The following LINGO2 variants were observed in gnomAD, a reference collection of about 807,000 sequenced individuals.
The protein encoded by LINGO2 is leucine rich repeat and Ig domain containing 2.
Under a neutral mutation model 30.6 loss-of-function variants are expected in LINGO2, and 14 were observed. The observed-to-expected ratio is 0.46, with a 90% CI of 0.30 to 0.72. The LOEUF is 0.72. Ranked by LOEUF, LINGO2 falls within the 30% of genes least tolerant of loss-of-function variation. LINGO2 has a pLI of 0.07. For synonymous variants in LINGO2, 317 were observed against 288.5 expected, an observed-to-expected ratio of 1.10 and a Z score of -1.00; for missense variants, 729 against 751.7, an observed-to-expected ratio of 0.97 and a Z score of 0.35.
intron 4 of LINGO2, among the ~76,000 whole-genome samples, chr9:28,055,387 C>G (rs1318754484): frequency 2.0e-5 from 3 of 152,120 alleles, no homozygotes; most frequent in Non-Finnish European, 2.9e-5. Context: ...GCCAAGGAGT[C>G]TGAATGGCCA....
At chr9:28,509,095 T>A (rs1355603390) in intron 1 of LINGO2, among the ~76,000 whole-genome samples, 1 of 152,174 alleles carries the variant, frequency 6.6e-6, no homozygotes, top group African/African-American at 2.4e-5. Context: ...ATGGTCTAAA[T>A]CAGCCTCACT....
Position 28,044,109 on chromosome 9 carries a change from G to A in LINGO2, c.-86-31704C>T, listed in dbSNP as rs369976067. Reference sequence around the variant, plus strand: ...AATGTCTACGTATGGAGGAATGCTTGAATCAACTACACTATGTGTGTTTGC... The same window carrying A: ...AATGTCTACGTATGGAGGAATGCTTAAATCAACTACACTATGTGTGTTTGC... On this transcript the variant is annotated intron_variant, in intron 4 of 5. Transcript: ENST00000379992. Among the ~76,000 whole-genome samples, 25 of 152,278 alleles carry A rather than the reference G, an allele frequency of 1.6e-4. 1 individual carries two copies. In the East Asian group the frequency reaches 3.1e-3, roughly 19 times the overall value.
intron 4 of LINGO2, among the ~76,000 whole-genome samples, chr9:28,057,611 GTATATACATATATATA>G (rs1824996384): frequency 1.9e-5 from 1 of 52,836 alleles, no homozygotes; most frequent in Non-Finnish European, 4.3e-5. Context: ...ACACATATAT[GTATATACATATATATA>G]CACACATATA....
the LINGO2 span, among the ~76,000 whole-genome samples, chr9:28,995,598 T>C: frequency 2.0e-5 from 3 of 152,044 alleles, no homozygotes; most frequent in African/African-American, 7.2e-5. Flanking sequence ...CTATTCACAA[T>C]AGCAAAGACT....
chr9:28,002,198 A>G (rs1302810456), intron 5 of LINGO2, among the ~76,000 whole-genome samples: 1 of 152,140 alleles, frequency 6.6e-6, no homozygotes, highest in Non-Finnish European at 1.5e-5. Context: ...ATACACTAAT[A>G]TTTTATTGTC....
At chr9:28,886,170 C>A in the LINGO2 span, among the ~76,000 whole-genome samples, 3 of 151,900 alleles carry the variant, frequency 2.0e-5, no homozygotes, top group Non-Finnish European at 4.4e-5. Flanking sequence ...TACTGACATG[C>A]CTTTACTCAA....
At chr9:28,230,257 T>A (rs1235764121) in intron 4 of LINGO2, among the ~76,000 whole-genome samples, 1 of 151,818 alleles carries the variant, frequency 6.6e-6, no homozygotes, top group Non-Finnish European at 1.5e-5. Flanking sequence ...TTGAATAAAC[T>A]GGTTCTGTAA....
rs561942779 is a variant in LINGO2, at chr9:28,234,362, G to A, written c.-87+60846C>T. Among the ~76,000 whole-genome samples, 10 of 152,270 alleles carry A rather than the reference G, an allele frequency of 6.6e-5. 1 individual carries two copies. Among genetic ancestry groups the A allele is most frequent in the Admixed American group, 6.5e-4 (10 of 15,306 alleles). ...GAAGCTTCTTTGACTATGTAAAGGG[G>A]AAGGAAGGGTGTGAAAAACTCAGTA... On this transcript the variant is annotated intron_variant, in intron 4 of 5. Coordinates refer to ENST00000379992, the Ensembl canonical transcript of LINGO2.
chr9:28,976,400 A>G, the LINGO2 span, among the ~76,000 whole-genome samples: 3 of 152,200 alleles, frequency 2.0e-5, no homozygotes, highest in Non-Finnish European at 2.9e-5. Flanking sequence ...CATGATCTGG[A>G]GAAAAGTGGA....
At chr9:28,502,619 T>TAATC (rs562280648) in intron 1 of LINGO2, among the ~76,000 whole-genome samples, 1 of 152,220 alleles carries the variant, frequency 6.6e-6, no homozygotes, top group South Asian at 2.1e-4. Flanking sequence ...GCATCAAAGA[T>TAATC]AATCTCACAG....
chr9:28,753,869 T>A, the LINGO2 span, among the ~76,000 whole-genome samples: 1 of 152,024 alleles, frequency 6.6e-6, no homozygotes, highest in Non-Finnish European at 1.5e-5. Flanking sequence ...GTAAAGCACC[T>A]AGCACTTAAT....
At chr9:28,307,199 A>T (rs1159127831) in intron 3 of LINGO2, among the ~76,000 whole-genome samples, 1 of 152,220 alleles carries the variant, frequency 6.6e-6, no homozygotes, top group Non-Finnish European at 1.5e-5. Context: ...TGGGAAACCG[A>T]ATCCAGCAAC....
chr9:29,070,252 T>G, the LINGO2 span, among the ~76,000 whole-genome samples: 2 of 152,096 alleles, frequency 1.3e-5, no homozygotes, highest in Admixed American at 1.3e-4. Flanking sequence ...AAACATAGCT[T>G]TAACCATCAC....
intron 4 of LINGO2, among the ~76,000 whole-genome samples, chr9:28,047,111 G>A (rs1024857596): frequency 6.6e-6 from 1 of 152,114 alleles, no homozygotes; most frequent in Admixed American, 6.6e-5. Context: ...GCAATCAGTG[G>A]CTTAACATGT....
intron 1 of LINGO2, among the ~76,000 whole-genome samples, chr9:28,665,617 C>T (rs1316396303): frequency 2.6e-5 from 4 of 152,104 alleles, no homozygotes; most frequent in African/African-American, 9.7e-5. Context: ...GAACTTCCAG[C>T]ATTTATAATA....
At chr9:28,437,573 AC>A (rs1824001460) in intron 2 of LINGO2, among the ~76,000 whole-genome samples, 1 of 148,848 alleles carries the variant, frequency 6.7e-6, no homozygotes, top group Middle Eastern at 3.2e-3. Flanking sequence ...ACACACACAC[AC>A]ACAGACGCGC....
the LINGO2 span, among the ~76,000 whole-genome samples, chr9:28,834,034 T>C: frequency 1.3e-5 from 2 of 150,702 alleles, no homozygotes; most frequent in African/African-American, 4.9e-5. Flanking sequence ...TTTTTTTTTT[T>C]CTTGTTCCTT....
chr9:28,421,932 C>G (rs571868530), intron 2 of LINGO2, among the ~76,000 whole-genome samples: 4 of 152,132 alleles, frequency 2.6e-5, no homozygotes, highest in African/African-American at 9.6e-5. Context: ...TTTCAACAAA[C>G]TGGGAATACA....
intron 2 of LINGO2, among the ~76,000 whole-genome samples, chr9:28,460,970 C>T (rs13297280): frequency 1.4e-4 from 21 of 152,074 alleles, no homozygotes; most frequent in Non-Finnish European, 2.1e-4. Flanking sequence ...CTACAATCTC[C>T]GCAGTGTAGA....
Sources: gnomAD v4.1 joint callset for allele counts (sites outside exome capture counted in the v4.1 genomes callset) on GRCh38, gnomAD v4.1.1 for gene constraint, MANE v1.5 for transcripts, NCBI Gene and HGNC (gene_info 2026-07-23, HGNC 2026-07-21) for gene names.